The following ETV6 variants were observed in gnomAD, a reference collection of about 807,000 sequenced individuals.
The protein encoded by ETV6 is ETS variant transcription factor 6.
ETV6 carries 16 observed loss-of-function variants against 51.1 expected under a neutral mutation model. That is an observed-to-expected ratio of 0.31 (90% CI 0.21 to 0.48). The LOEUF is 0.48. ETV6 is among the 20% of genes least tolerant of loss of function. The probability of loss-of-function intolerance (pLI) is 0.99; values close to 1 mark genes in which losing one functional copy is unlikely to be tolerated. For missense variants in ETV6, 458 were observed against 594.8 expected (o/e 0.77, Z 2.39); for synonymous variants, 240 against 224.1 (o/e 1.07, Z -0.64).
chr12:11,739,309 T>C (rs1186995640), intron 1 of ETV6, among the ~76,000 whole-genome samples: 1 of 152,140 alleles, frequency 6.6e-6, no homozygotes, highest in Non-Finnish European at 1.5e-5. Flanking sequence ...CTCCAGAGTT[T>C]ATGATGTTTC....
At chr12:11,672,172 A>G (rs1335282948) in intron 1 of ETV6, among the ~76,000 whole-genome samples, 1 of 152,152 alleles carries the variant, frequency 6.6e-6, no homozygotes, top group East Asian at 1.9e-4. Context: ...TTCTGTCGCA[A>G]AATATAATCA....
chr12:11,772,604 A>G (rs777410543), intron 2 of ETV6, among the ~76,000 whole-genome samples: 3 of 152,184 alleles, frequency 2.0e-5, no homozygotes, highest in Non-Finnish European at 2.9e-5. Flanking sequence ...GAAGTAATTG[A>G]TTGCATATTT....
At chr12:11,765,926 G>A (rs1042307826) in intron 2 of ETV6, among the ~76,000 whole-genome samples, 1 of 152,206 alleles carries the variant, frequency 6.6e-6, no homozygotes, top group Non-Finnish European at 1.5e-5. Flanking sequence ...CAGTCCCGTG[G>A]TGGGTGTGAG....
At chr12:11,666,486 T>A (rs2120670149) in intron 1 of ETV6, among the ~76,000 whole-genome samples, 1 of 152,272 alleles carries the variant, frequency 6.6e-6, no homozygotes, top group South Asian at 2.1e-4. Flanking sequence ...GATAGCCCAG[T>A]GACATTTATT....
Position 11,664,152 on chromosome 12 carries a change from T to A in ETV6, c.33+13992T>A, listed in dbSNP as rs565451489. Among the ~76,000 whole-genome samples, 7 of 152,338 alleles carry A rather than the reference T, an allele frequency of 4.6e-5. 1 individual carries two copies. In the South Asian group the frequency reaches 1.4e-3, roughly 32 times the overall value. Reference sequence around the variant, plus strand: ...CACATTCAGGTGACATAGTTGAACATCAGTCCGTGCCAGTTTCTGCTACTA... The same window carrying A: ...CACATTCAGGTGACATAGTTGAACAACAGTCCGTGCCAGTTTCTGCTACTA... On this transcript the variant is annotated intron_variant, in intron 1 of 7. Coordinates refer to ENST00000396373, the MANE Select transcript of ETV6 (RefSeq NM_001987.5).
intron 2 of ETV6, among the ~76,000 whole-genome samples, chr12:11,820,187 A>G (rs189697119): frequency 2.0e-5 from 3 of 152,336 alleles, no homozygotes; most frequent in Admixed American, 2.0e-4. Flanking sequence ...ACAGCTAGGA[A>G]GTGGGAGAAC....
chr12:11,767,618 C>T (rs1945182104), intron 2 of ETV6, among the ~76,000 whole-genome samples: 1 of 152,228 alleles, frequency 6.6e-6, no homozygotes, highest in Non-Finnish European at 1.5e-5. Flanking sequence ...CTTGATGAGC[C>T]TCAGTTGCTC....
At position 11,892,080 on chromosome 12, in the gene ETV6, A is replaced by C. The variant is rs969658882; in HGVS notation, c.*1034A>C. ...GACCACACAGGCCCAGCAGTCCAGA[A>C]ACTGGGCAAAAATATTCTGCAGTGG... is the stretch of plus-strand genomic sequence containing the variant. On this transcript the variant is annotated 3_prime_UTR_variant, in exon 8 of 8. Transcript: ENST00000396373. The C allele has an allele frequency of 4.3e-6, 1 of 233,422 alleles. No individual in the cohort carries two copies. Among genetic ancestry groups the C allele is most frequent in the African/African-American group, 2.2e-5 (1 of 45,322 alleles). The allele number at this position is 233,422 out of a possible 1,614,324, so 14.5% of individuals were successfully genotyped here. A position where few individuals can be genotyped will look rare whatever the true frequency, so the allele number is the denominator to read the frequency against.
chr12:11,716,330 C>CAAAA (rs3049068), intron 1 of ETV6, among the ~76,000 whole-genome samples: 11 of 58,118 alleles, frequency 1.9e-4, no homozygotes, highest in African/African-American at 6.2e-4. Flanking sequence ...GACTCCTTCT[C>CAAAA]AAAAAAAAAA....
At chr12:11,864,276 C>A (rs1436970326) in intron 4 of ETV6, among the ~76,000 whole-genome samples, 2 of 152,108 alleles carry the variant, frequency 1.3e-5, no homozygotes, top group Admixed American at 1.3e-4. Flanking sequence ...AGCCTTGAAG[C>A]CCAGGACATC....
intron 2 of ETV6, among the ~76,000 whole-genome samples, chr12:11,775,559 C>T (rs920487295): frequency 6.6e-6 from 1 of 152,192 alleles, no homozygotes; most frequent in Non-Finnish European, 1.5e-5. Context: ...CCGTGGTAGA[C>T]AAGAACAGAC....
intron 1 of ETV6, among the ~76,000 whole-genome samples, chr12:11,659,942 T>G (rs929753664): frequency 6.6e-6 from 1 of 152,162 alleles, no homozygotes; most frequent in African/African-American, 2.4e-5. Flanking sequence ...GAAGAGGAGT[T>G]GGCGAAGGGG....
chr12:11,780,916 T>C (rs1353264419), intron 2 of ETV6, among the ~76,000 whole-genome samples: 1 of 152,228 alleles, frequency 6.6e-6, no homozygotes, highest in Non-Finnish European at 1.5e-5. Flanking sequence ...AGTTAAGCAG[T>C]TCCACATCTG....
chr12:11,777,622 T>G (rs1421321281), intron 2 of ETV6, among the ~76,000 whole-genome samples: 3 of 152,152 alleles, frequency 2.0e-5, no homozygotes, highest in Non-Finnish European at 2.9e-5. Flanking sequence ...CCTCCTTGTC[T>G]TCCTGCTGTA....
At chr12:11,886,644 A>G in intron 7 of ETV6, among the ~76,000 whole-genome samples, 1 of 152,214 alleles carries the variant, frequency 6.6e-6, no homozygotes, top group East Asian at 1.9e-4. Context: ...TAAGTCTACA[A>G]GCTGCTGCAC....
intron 1 of ETV6, among the ~76,000 whole-genome samples, chr12:11,693,149 C>T (rs975245339): frequency 5.3e-5 from 8 of 152,084 alleles, no homozygotes; most frequent in African/African-American, 1.2e-4. Context: ...AGAAGACTTA[C>T]GGTGGTGGGA....
chr12:11,779,690 G>T (rs1029221978), intron 2 of ETV6, among the ~76,000 whole-genome samples: 2 of 152,196 alleles, frequency 1.3e-5, no homozygotes, highest in African/African-American at 4.8e-5. Flanking sequence ...AACCTTTGGT[G>T]CTTAGTATGG....
At chr12:11,798,460 C>T (rs1945706988) in intron 2 of ETV6, among the ~76,000 whole-genome samples, 1 of 151,942 alleles carries the variant, frequency 6.6e-6, no homozygotes, top group Non-Finnish European at 1.5e-5. Context: ...AGTGTAGACT[C>T]CACTATGGAG....
intron 2 of ETV6, among the ~76,000 whole-genome samples, chr12:11,817,944 C>A (rs559927512): frequency 6.6e-6 from 1 of 152,286 alleles, no homozygotes; most frequent in East Asian, 1.9e-4. Flanking sequence ...GGAGTGACTT[C>A]AGTTTCAGGC....
Sources: allele counts gnomAD v4.1 joint callset (sites outside exome capture counted in the v4.1 genomes callset), GRCh38; gene constraint gnomAD v4.1.1; transcripts MANE v1.5; gene names NCBI Gene and HGNC (gene_info 2026-07-23, HGNC 2026-07-21).